MEOX2: variants seen among roughly 807,000 people sequenced by gnomAD.
MEOX2 encodes the protein mesenchyme homeobox 2, also known as homeobox protein MOX-2.
Under a neutral mutation model 27.0 loss-of-function variants are expected in MEOX2, and 11 were observed. The ratio of observed to expected loss-of-function variants is 0.41; its 90% CI spans 0.26 to 0.68. The LOEUF (loss-of-function observed/expected upper bound fraction) is 0.68, where lower values mean the gene tolerates loss of function less well. Ranked by LOEUF, MEOX2 falls within the 30% of genes least tolerant of loss-of-function variation. The pLI is 0.33. For missense variants in MEOX2, 436 were observed against 385.4 expected, an observed-to-expected ratio of 1.13 and a Z score of -1.10; for synonymous variants, 189 against 155.4, an observed-to-expected ratio of 1.22 and a Z score of -1.61.
In MEOX2 at chr7:15,612,064, C is replaced by G. The variant is rs1455247460; in HGVS notation, c.*323G>C. 3.2e-6 allele frequency: 1 copy of G among 315,760 alleles called. No homozygotes were observed. The highest frequency in any genetic ancestry group is 6.0e-6 in the Non-Finnish European group (1 of 167,182). The allele number at this position is 315,760 out of a possible 1,614,324, so 19.6% of individuals were successfully genotyped here. A position where few individuals can be genotyped will look rare whatever the true frequency, so the allele number is the denominator to read the frequency against. ...CTCTGGAGACATCTTGAATAAAAAA[C>G]CGTTCATAGTTTGCTCTTGATAGCA... On this transcript the variant is annotated 3_prime_UTR_variant, in exon 3 of 3. Transcript: ENST00000262041.
rs1167526177 is a variant in MEOX2, at chr7:15,613,960, C to T, written c.691-1349G>A. On this transcript the variant is annotated intron_variant, in intron 2 of 2. Coordinates refer to ENST00000262041, the MANE Select transcript of MEOX2 (RefSeq NM_005924.5). ...TTATATGGCTGCTGCTATCTATCTTCTCTCAATGTATGCTGTTTCTTTTTC... is the reference window on the plus strand; with the variant it reads ...TTATATGGCTGCTGCTATCTATCTTTTCTCAATGTATGCTGTTTCTTTTTC... Among the ~76,000 whole-genome samples, 8 of 152,000 alleles carry T rather than the reference C, an allele frequency of 5.3e-5. 1 individual carries two copies. In the South Asian group the frequency reaches 1.2e-3, roughly 24 times the overall value.
At chr7:15,614,275 G>A (rs1487424875) in intron 2 of MEOX2, among the ~76,000 whole-genome samples, 5 of 150,520 alleles carry the variant, frequency 3.3e-5, no homozygotes, top group Non-Finnish European at 5.9e-5. Context: ...TAGGTGGGTG[G>A]GATGGCATAG....
chr7:15,630,953 C>A (rs1455297950), intron 1 of MEOX2, among the ~76,000 whole-genome samples: 1 of 151,826 alleles, frequency 6.6e-6, no homozygotes, highest in East Asian at 1.9e-4. Context: ...AATCCTCTTG[C>A]CAATCCACTT....
chr7:15,673,545 T>C (rs1562614939), intron 1 of MEOX2, among the ~76,000 whole-genome samples: 1 of 118,458 alleles, frequency 8.4e-6, no homozygotes, highest in Non-Finnish European at 1.7e-5. Flanking sequence ...TACAATTACC[T>C]CAAAATAAAG....
chr7:15,686,364 G>C lies in MEOX2; in HGVS notation c.39C>G (p.His13Gln). Residue 13 changes from histidine to glutamine, a missense_variant, in exon 1 of 3, where the codon CAC (histidine) becomes CAG (glutamine). By Grantham distance (24) the His-to-Gln change is conservative. Transcript: ENST00000262041. ...HPLFGCLRSP[H>Q]ATAQGLHPFS... Reference sequence around the variant, plus strand: ...ACGGGTGCAAGCCTTGCGCCGTGGCGTGAGGGCTGCGCAGGCAGCCAAAGA... The same window carrying C: ...ACGGGTGCAAGCCTTGCGCCGTGGCCTGAGGGCTGCGCAGGCAGCCAAAGA... 1 of 1,590,062 alleles carries C rather than the reference G, an allele frequency of 6.3e-7. No homozygotes were observed. The highest frequency in any genetic ancestry group is 1.1e-5 in the South Asian group (1 of 87,698).
chr7:15,639,711 T>C (rs1781531750), intron 1 of MEOX2, among the ~76,000 whole-genome samples: 1 of 152,144 alleles, frequency 6.6e-6, no homozygotes. Context: ...AACCATTTAT[T>C]AAAAACGGTG....
At chr7:15,620,361 A>G (rs1360817701) in intron 2 of MEOX2, among the ~76,000 whole-genome samples, 1 of 152,234 alleles carries the variant, frequency 6.6e-6, no homozygotes, top group Non-Finnish European at 1.5e-5. Context: ...AAGTAACTAA[A>G]TGTATACATT....
Position 15,676,471 on chromosome 7 carries a change from A to C in MEOX2, c.517+9415T>G, listed in dbSNP as rs1782193713. Among the ~76,000 whole-genome samples the C allele has an allele frequency of 4.6e-5, 7 of 152,312 alleles. No homozygotes were observed. The South Asian group carries it at 1.4e-3, about 32-fold the overall frequency. On this transcript the variant is annotated intron_variant, in intron 1 of 2. Coordinates refer to ENST00000262041, the MANE Select transcript of MEOX2 (RefSeq NM_005924.5). ...TGTCATTCCCACCCTCCTAGTTAAC[A>C]GCTAAAACAGAGACCCAAAATTTCA...
rs563349845 is a variant in MEOX2, at chr7:15,680,514, C to T, written c.517+5372G>A. 168 of 151,994 alleles carry T rather than the reference C, an allele frequency of 1.1e-3. 1 individual carries two copies. Among genetic ancestry groups the T allele is most frequent in the African/African-American group, 3.9e-3 (161 of 41,540 alleles). 9.4% of individuals were successfully genotyped at this position (151,994 alleles called of 1,614,324 possible). The stretch of plus-strand genomic sequence containing the variant: ...TTCTCCAATGGGATTTTGAATCTCA[C>T]TGATGACTGTGATTTAGGAGTAATG... On this transcript the variant is annotated intron_variant, in intron 1 of 2. Coordinates refer to ENST00000262041, the MANE Select transcript of MEOX2 (RefSeq NM_005924.5).
intron 1 of MEOX2, among the ~76,000 whole-genome samples, chr7:15,657,336 G>A (rs2115381063): frequency 6.6e-6 from 1 of 152,046 alleles, no homozygotes; most frequent in South Asian, 2.1e-4. Flanking sequence ...ATATTAGATT[G>A]CTTTTGGTCA....
rs758357349 is a variant in MEOX2 at position 15,686,131 on chromosome 7, T to C, written c.272A>G (p.Asn91Ser). ...QQQQHQALQTNWHLPQMSSPP... is the reference protein window; with the variant it reads ...QQQQHQALQTSWHLPQMSSPP... ...GGAAGACATCTGCGGGAGGTGCCAG[T>C]TGGTTTGCAGAGCCTGGTGCTGCTG... is the stretch of plus-strand genomic sequence containing the variant. Residue 91 changes from asparagine to serine, a missense_variant, in exon 1 of 3, where the codon AAC becomes AGC. Transcript: ENST00000262041. 1.2e-5 allele frequency: 19 copies of C among 1,583,430 alleles called. No individual in the cohort carries two copies. Among genetic ancestry groups the C allele is most frequent in the African/African-American group, 4.1e-5 (3 of 73,734 alleles).
At chr7:15,632,238 C>A (rs1034045634) in intron 1 of MEOX2, among the ~76,000 whole-genome samples, 4 of 151,696 alleles carry the variant, frequency 2.6e-5, no homozygotes, top group African/African-American at 9.7e-5. Context: ...ATGGAAGTTA[C>A]AGAAATTTTA....
chr7:15,614,057 TTC>T (rs1455123939), intron 2 of MEOX2, among the ~76,000 whole-genome samples: 24 of 151,644 alleles, frequency 1.6e-4, no homozygotes, highest in East Asian at 5.8e-4. Context: ...TATCTATTGT[TTC>T]TTTTATGACT....
At chr7:15,650,588 C>T (rs1781718877) in intron 1 of MEOX2, among the ~76,000 whole-genome samples, 1 of 151,978 alleles carries the variant, frequency 6.6e-6, no homozygotes, top group African/African-American at 2.4e-5. Flanking sequence ...TGAATGCTTC[C>T]TATGTGCCAG....
chr7:15,663,256 A>C (rs1781944885), intron 1 of MEOX2, among the ~76,000 whole-genome samples: 1 of 152,206 alleles, frequency 6.6e-6, no homozygotes, highest in African/African-American at 2.4e-5. Flanking sequence ...GTAAGAAGAC[A>C]AAATTTTCCA....
At chr7:15,625,443 G>C (rs1024716700) in intron 2 of MEOX2, among the ~76,000 whole-genome samples, 3 of 152,152 alleles carry the variant, frequency 2.0e-5, no homozygotes, top group Non-Finnish European at 4.4e-5. Context: ...CCACAGAAAA[G>C]TGTTCCTCTG....
At chr7:15,673,988 T>C (rs1277364986) in intron 1 of MEOX2, among the ~76,000 whole-genome samples, 1 of 152,120 alleles carries the variant, frequency 6.6e-6, no homozygotes, top group Non-Finnish European at 1.5e-5. Flanking sequence ...CATATATGTG[T>C]ATGTGTATAT....
Position 15,667,142 on chromosome 7 carries a change from T to G in MEOX2, c.517+18744A>C, listed in dbSNP as rs187866676. On this transcript the variant is annotated intron_variant, in intron 1 of 2. Transcript: ENST00000262041. ...CCGTCTCTACTAAAAATACAAAAAA[T>G]TAGCTGGGTGTGGTGGCACACGCCT... Among the ~76,000 whole-genome samples, 577 of 150,720 alleles carry G rather than the reference T, an allele frequency of 3.8e-3. 4 individuals are homozygous for G. The highest frequency in any genetic ancestry group is 0.013 in the African/African-American group (554 of 41,132).
At chr7:15,666,121 T>A (rs1184562349) in intron 1 of MEOX2, among the ~76,000 whole-genome samples, 2 of 152,112 alleles carry the variant, frequency 1.3e-5, no homozygotes, top group African/African-American at 4.8e-5. Context: ...CCAAGACCAA[T>A]GGAGGGAAAC....
Sources: gnomAD v4.1 joint callset for allele counts (sites outside exome capture counted in the v4.1 genomes callset) on GRCh38, gnomAD v4.1.1 for gene constraint, MANE v1.5 for transcripts, NCBI Gene and HGNC (gene_info 2026-07-23, HGNC 2026-07-21) for gene names.